Variants in AUTS2 observed in about 807,000 individuals in gnomAD.
AUTS2 encodes activator of transcription and developmental regulator AUTS2, also known as autism susceptibility gene 2 protein.
A neutral mutation model predicts 112.4 loss-of-function variants in AUTS2; 17 were observed. The ratio of observed to expected loss-of-function variants is 0.15; its 90% CI spans 0.10 to 0.23. AUTS2 has a LOEUF of 0.23. Among genes scored for constraint, AUTS2 ranks in the 10% least tolerant of loss-of-function variants. AUTS2 has a pLI of 1.00. For synonymous variants in AUTS2, 751 were observed against 702.7 expected, an observed-to-expected ratio of 1.07 and a Z score of -1.09; for missense variants, 1,510 against 1,701.6, an observed-to-expected ratio of 0.89 and a Z score of 1.98.
intron 4 of AUTS2, among the ~76,000 whole-genome samples, chr7:70,353,369 T>C (rs1176767517): frequency 1.3e-5 from 2 of 152,190 alleles, no homozygotes; most frequent in Non-Finnish European, 2.9e-5. Context: ...TAAAATTTTC[T>C]AAATACTATG....
At chr7:70,756,400 G>A (rs61379656) in intron 6 of AUTS2, among the ~76,000 whole-genome samples, 3,083 of 152,170 alleles carry the variant, frequency 0.02, 112 homozygotes, top group African/African-American at 0.069. Flanking sequence ...GTTCATCAGA[G>A]TATACCGAAT....
At chr7:70,490,611 G>A (rs900594420) in intron 5 of AUTS2, among the ~76,000 whole-genome samples, 1 of 152,134 alleles carries the variant, frequency 6.6e-6, no homozygotes, top group Non-Finnish European at 1.5e-5. Flanking sequence ...CATAGATGCC[G>A]AGACTGACAG....
intron 6 of AUTS2, among the ~76,000 whole-genome samples, chr7:70,747,457 T>A (rs1332090702): frequency 6.6e-6 from 1 of 152,150 alleles, no homozygotes; most frequent in Non-Finnish European, 1.5e-5. Flanking sequence ...AGAGAGCTCA[T>A]CTATTTATTA....
At chr7:69,760,795 G>A (rs1287319090) in intron 1 of AUTS2, among the ~76,000 whole-genome samples, 1 of 152,164 alleles carries the variant, frequency 6.6e-6, no homozygotes, top group Non-Finnish European at 1.5e-5. Context: ...ACTCCAGCCT[G>A]GGCAAGAGAG....
chr7:70,046,307 C>T (rs1801501282), intron 2 of AUTS2, among the ~76,000 whole-genome samples: 2 of 152,140 alleles, frequency 1.3e-5, no homozygotes, highest in Admixed American at 1.3e-4. Context: ...CTTCCCTGTG[C>T]ATCAGCTTCC....
chr7:70,573,166 G>A (rs1802021200), intron 5 of AUTS2, among the ~76,000 whole-genome samples: 1 of 152,210 alleles, frequency 6.6e-6, no homozygotes, highest in Non-Finnish European at 1.5e-5. Context: ...ATTTGCCTGT[G>A]TGGGGTTGGA....
chr7:70,608,692 G>T (rs1803914121), intron 5 of AUTS2, among the ~76,000 whole-genome samples: 1 of 152,172 alleles, frequency 6.6e-6, no homozygotes. Context: ...TCTGGCATGG[G>T]TCCCAGTGAT....
chr7:70,045,074 G>A (rs1285100656), intron 2 of AUTS2, among the ~76,000 whole-genome samples: 1 of 151,904 alleles, frequency 6.6e-6, no homozygotes, highest in Admixed American at 6.6e-5. Context: ...CTGCTGACTG[G>A]TATATTTCAG....
chr7:69,762,220 T>A (rs1788214832), intron 1 of AUTS2, among the ~76,000 whole-genome samples: 2 of 151,844 alleles, frequency 1.3e-5, no homozygotes, highest in African/African-American at 4.8e-5. Context: ...GGGCTGTATC[T>A]AATTATTTAT....
chr7:70,316,399 ATTTT>A (rs398005114), intron 4 of AUTS2, among the ~76,000 whole-genome samples: 49 of 92,746 alleles, frequency 5.3e-4, no homozygotes, highest in African/African-American at 1.5e-3. Context: ...CCAGGTCTCT[ATTTT>A]TTTTTTTTTT....
intron 2 of AUTS2, among the ~76,000 whole-genome samples, chr7:70,004,974 A>G (rs1360947948): frequency 6.6e-6 from 1 of 151,750 alleles, no homozygotes; most frequent in Non-Finnish European, 1.5e-5. Flanking sequence ...ACAGGCACCT[A>G]CCACCATGCC....
intron 1 of AUTS2, among the ~76,000 whole-genome samples, chr7:69,831,961 T>TA (rs1791519370): frequency 6.6e-6 from 1 of 152,246 alleles, no homozygotes; most frequent in African/African-American, 2.4e-5. Flanking sequence ...TTCAGGGTTT[T>TA]AACTCATTCA....
intron 2 of AUTS2, among the ~76,000 whole-genome samples, chr7:70,091,140 T>G (rs755182758): frequency 5.9e-4 from 90 of 152,176 alleles, no homozygotes; most frequent in Non-Finnish European, 1.1e-3. Context: ...TGTAAAAATG[T>G]TTCACAGTCT....
At chr7:70,082,910 AG>A (rs1803390294) in intron 2 of AUTS2, among the ~76,000 whole-genome samples, 1 of 152,222 alleles carries the variant, frequency 6.6e-6, no homozygotes, top group Non-Finnish European at 1.5e-5. Flanking sequence ...TCCAGTCAAC[AG>A]TCATTTTATT....
rs376098463 is a variant in AUTS2, at chr7:70,683,309, G to C, written c.691-15260G>C. Reference sequence around the variant, plus strand: ...AATGTCTTCATTCTCTTCTGTTTTAGTTGGCAGAGATCTGGTCATTTATTT... The same window carrying C: ...AATGTCTTCATTCTCTTCTGTTTTACTTGGCAGAGATCTGGTCATTTATTT... On this transcript the variant is annotated intron_variant, in intron 5 of 18. Coordinates refer to ENST00000342771, the MANE Select transcript of AUTS2 (RefSeq NM_015570.4). Among the ~76,000 whole-genome samples the C allele has an allele frequency of 1.1e-4, 17 of 152,330 alleles. 1 individual carries two copies. In the East Asian group the frequency reaches 2.1e-3, roughly 19 times the overall value.
chr7:69,993,735 GTC>G (rs1181845837), intron 2 of AUTS2, among the ~76,000 whole-genome samples: 3 of 151,622 alleles, frequency 2.0e-5, no homozygotes, highest in African/African-American at 4.8e-5. Context: ...CTGTCTTCCT[GTC>G]TCTCTGTCTC....
At chr7:70,749,315 T>A (rs555130829) in intron 6 of AUTS2, among the ~76,000 whole-genome samples, 2 of 152,150 alleles carry the variant, frequency 1.3e-5, no homozygotes, top group East Asian at 3.9e-4. Flanking sequence ...GTAGAACAGC[T>A]CTGTGCAAAC....
intron 6 of AUTS2, among the ~76,000 whole-genome samples, chr7:70,750,271 A>G (rs1788719542): frequency 6.6e-6 from 1 of 152,110 alleles, no homozygotes; most frequent in African/African-American, 2.4e-5. Flanking sequence ...TGCGGAGAGT[A>G]TGTGTGTGTA....
chr7:69,624,963 C>A (rs1010567425), intron 1 of AUTS2, among the ~76,000 whole-genome samples: 1 of 130,576 alleles, frequency 7.7e-6, no homozygotes, highest in Non-Finnish European at 1.6e-5. Context: ...GTCACTACCA[C>A]GCAGATTCTC....
Sources: gnomAD v4.1 joint callset for allele counts (sites outside exome capture counted in the v4.1 genomes callset) on GRCh38, gnomAD v4.1.1 for gene constraint, MANE v1.5 for transcripts, NCBI Gene and HGNC (gene_info 2026-07-23, HGNC 2026-07-21) for gene names.